FARS2: variants seen among roughly 807,000 people sequenced by gnomAD.
FARS2 encodes phenylalanine--tRNA ligase, mitochondrial.
Under a neutral mutation model 46.4 loss-of-function variants are expected in FARS2, and 40 were observed. That is an observed-to-expected ratio of 0.86 (90% CI 0.67 to 1.12). FARS2 has a LOEUF of 1.12. Among genes scored for constraint, FARS2 ranks in the 50% most tolerant of loss-of-function variants. The probability of loss-of-function intolerance (pLI) is 0.00; values close to 1 mark genes in which losing one functional copy is unlikely to be tolerated. For synonymous variants in FARS2, 234 were observed against 214.9 expected, an observed-to-expected ratio of 1.09 and a Z score of -0.78; for missense variants, 513 against 567.9, an observed-to-expected ratio of 0.90 and a Z score of 0.98.
rs1369505205 is a variant in FARS2 at position 5,771,520 on chromosome 6, C to T, written c.*91C>T. ...ATGGTTTGTGAACTGGGGCATCAAT[C>T]ATCTTTTGATAAATGGATCAGTTTT... On this transcript the variant is annotated 3_prime_UTR_variant, in exon 7 of 7. Coordinates refer to ENST00000274680, the MANE Select transcript of FARS2 (RefSeq NM_006567.5). 2.9e-6 allele frequency: 4 copies of T among 1,359,418 alleles called. No individual in the cohort carries two copies. The highest frequency in any genetic ancestry group is 4.0e-6 in the Non-Finnish European group (4 of 992,116). 84.2% of individuals were successfully genotyped at this position (1,359,418 alleles called of 1,614,324 possible).
At chr6:5,687,979 A>G (rs1266785312) in intron 6 of FARS2, among the ~76,000 whole-genome samples, 2 of 152,106 alleles carry the variant, frequency 1.3e-5, no homozygotes, top group African/African-American at 2.4e-5. Context: ...ATGGGAGTTC[A>G]CTCATGATTT....
intron 1 of FARS2, among the ~76,000 whole-genome samples, chr6:5,355,597 T>G (rs1757866740): frequency 6.6e-6 from 1 of 152,034 alleles, no homozygotes; most frequent in African/African-American, 2.4e-5. Context: ...GACCTTGTGA[T>G]CCGTACGCCT....
intron 6 of FARS2, among the ~76,000 whole-genome samples, chr6:5,745,747 C>T (rs1205986512): frequency 6.6e-6 from 1 of 152,062 alleles, no homozygotes; most frequent in Non-Finnish European, 1.5e-5. Flanking sequence ...ACTATGTTGC[C>T]CAGGCTAGTC....
intron 1 of FARS2, among the ~76,000 whole-genome samples, chr6:5,346,988 A>T (rs536382015): frequency 1.5e-4 from 22 of 151,046 alleles, no homozygotes; most frequent in Non-Finnish European, 2.8e-4. Context: ...ATCTTGGCAC[A>T]CTGAAACCTC....
Position 5,491,098 on chromosome 6 carries a change from A to C in FARS2, c.905-54082A>C, listed in dbSNP as rs534852049. Among the ~76,000 whole-genome samples, 7 of 152,288 alleles carry C rather than the reference A, an allele frequency of 4.6e-5. 1 individual carries two copies. The South Asian group carries it at 1.5e-3, about 32-fold the overall frequency. The stretch of plus-strand genomic sequence containing the variant: ...CTCCATACCCTCAGCAACATTTTAT[A>C]TTGTTGGTTCTCTTTAGCGATTCTA... On this transcript the variant is annotated intron_variant, in intron 4 of 6. Coordinates refer to ENST00000274680, the MANE Select transcript of FARS2 (RefSeq NM_006567.5).
At chr6:5,461,645 T>C (rs1765250492) in intron 4 of FARS2, among the ~76,000 whole-genome samples, 1 of 152,192 alleles carries the variant, frequency 6.6e-6, no homozygotes, top group Admixed American at 6.6e-5. Flanking sequence ...CTACTTTCTA[T>C]AGATTTGTCT....
intron 6 of FARS2, among the ~76,000 whole-genome samples, chr6:5,714,352 G>C (rs1759364693): frequency 6.6e-6 from 1 of 152,108 alleles, no homozygotes; most frequent in African/African-American, 2.4e-5. Flanking sequence ...ATCGCCAATG[G>C]GAAGGGTCTG....
chr6:5,692,354 G>A (rs1185466004), intron 6 of FARS2, among the ~76,000 whole-genome samples: 1 of 152,152 alleles, frequency 6.6e-6, no homozygotes. Flanking sequence ...GAATTTCTTA[G>A]GCTGTTTAAA....
upstream of FARS2, among the ~76,000 whole-genome samples, chr6:5,257,898 G>A (rs1764757572): frequency 6.6e-6 from 1 of 152,222 alleles, no homozygotes; most frequent in Non-Finnish European, 1.5e-5. Context: ...AAGCACTGAG[G>A]TAAAAGAATG....
intron 4 of FARS2, among the ~76,000 whole-genome samples, chr6:5,490,788 C>T (rs1165189072): frequency 6.6e-6 from 1 of 152,200 alleles, no homozygotes; most frequent in African/African-American, 2.4e-5. Context: ...ACTGAGACCT[C>T]TGGCCAACAG....
At chr6:5,450,575 A>G (rs1764430080) in intron 4 of FARS2, among the ~76,000 whole-genome samples, 2 of 152,106 alleles carry the variant, frequency 1.3e-5, no homozygotes, top group Admixed American at 1.3e-4. Context: ...TCCATGCATC[A>G]TGAATAGTAT....
At chr6:5,521,128 T>G (rs1056697129) in intron 4 of FARS2, among the ~76,000 whole-genome samples, 3 of 152,136 alleles carry the variant, frequency 2.0e-5, no homozygotes, top group Non-Finnish European at 4.4e-5. Context: ...TTTATTTATA[T>G]TTTGTTTCTC....
chr6:5,281,529 T>G (rs9328293), intron 1 of FARS2, among the ~76,000 whole-genome samples: 100,953 of 151,982 alleles, frequency 0.66, 34,309 homozygotes, highest in East Asian at 0.88. Flanking sequence ...TTAAGTACAT[T>G]CACATGCTTG....
chr6:5,634,826 A>G (rs1776465939), intron 6 of FARS2, among the ~76,000 whole-genome samples: 1 of 152,192 alleles, frequency 6.6e-6, no homozygotes, highest in Non-Finnish European at 1.5e-5. Flanking sequence ...CCTTCGACCC[A>G]GCTAAATCAT....
chr6:5,383,800 T>G (rs2503806), intron 2 of FARS2, among the ~76,000 whole-genome samples: 3 of 150,646 alleles, frequency 2.0e-5, no homozygotes, highest in African/African-American at 7.4e-5. Flanking sequence ...TTTTCTGTTC[T>G]TTCCCGTGGT....
At chr6:5,484,151 A>G (rs183775568) in intron 4 of FARS2, among the ~76,000 whole-genome samples, 1 of 152,352 alleles carries the variant, frequency 6.6e-6, no homozygotes, top group East Asian at 1.9e-4. Context: ...AGGCAAACAC[A>G]TAAATAAGTG....
At chr6:5,598,421 A>C (rs537637948) in intron 5 of FARS2, among the ~76,000 whole-genome samples, 1 of 152,206 alleles carries the variant, frequency 6.6e-6, no homozygotes, top group Non-Finnish European at 1.5e-5. Context: ...GTAAGTATGT[A>C]AGTAAATAAA....
intron 1 of FARS2, among the ~76,000 whole-genome samples, chr6:5,327,662 T>C (rs1362346296): frequency 6.6e-6 from 1 of 152,208 alleles, no homozygotes; most frequent in Non-Finnish European, 1.5e-5. Flanking sequence ...TCTTTTTCTT[T>C]ATAAATTACC....
chr6:5,762,146 T>C (rs527851819), intron 6 of FARS2, among the ~76,000 whole-genome samples: 8 of 152,340 alleles, frequency 5.3e-5, no homozygotes, highest in Admixed American at 4.6e-4. Flanking sequence ...TTCAGGTCTT[T>C]CTGTGTGGGC....
Sources: gnomAD v4.1 joint callset for allele counts (sites outside exome capture counted in the v4.1 genomes callset) on GRCh38, gnomAD v4.1.1 for gene constraint, MANE v1.5 for transcripts, NCBI Gene and HGNC (gene_info 2026-07-23, HGNC 2026-07-21) for gene names.